Variants in LRRC41 observed in about 807,000 individuals in gnomAD.
LRRC41 encodes leucine rich repeat containing 41, also known as leucine-rich repeat-containing protein 41.
Under a neutral mutation model 72.1 loss-of-function variants are expected in LRRC41, and 17 were observed. That is an observed-to-expected ratio of 0.24 (90% CI 0.16 to 0.35). The LOEUF (loss-of-function observed/expected upper bound fraction) is 0.35. LRRC41 is among the 10% of genes least tolerant of loss of function. The pLI, the probability that LRRC41 is intolerant of heterozygous loss-of-function variation, is 1.00. For missense variants in LRRC41, 759 were observed against 1,065.0 expected, an observed-to-expected ratio of 0.71 and a Z score of 4.00; for synonymous variants, 427 against 431.0, an observed-to-expected ratio of 0.99 and a Z score of 0.11.
In LRRC41 at chr1:46,286,153, CAGG is replaced by C; in HGVS notation, c.701_703del (p.Ser234del). 6.2e-7 allele frequency: 1 copy of C among 1,614,224 alleles called. No individual in the cohort carries two copies. Among genetic ancestry groups the C allele is most frequent in the Non-Finnish European group, 8.5e-7 (1 of 1,180,034 alleles). ...GAAAAGGGCTGACTCAGGCACAGGC[CAGG>C]AGTATAGCGACACTTGACTGACAGC... On this transcript the variant is annotated inframe_deletion, in exon 4 of 10. Transcript: ENST00000617190. This position sits in a 1 kb window ranked among gnomAD's most constrained non-coding sequence, Gnocchi z 5.5.
chr1:46,281,401 G>C lies in LRRC41; in HGVS notation c.1496-16C>G. ...GAGCCCAGGCCTATGGCAAGAAAGA[G>C]ATTAAGTCAGAACCATGTGGGAGTG... On this transcript the variant is annotated splice_polypyrimidine_tract_variant and intron_variant, in intron 4 of 9. Coordinates refer to ENST00000617190, the MANE Select transcript of LRRC41 (RefSeq NM_006369.5). 6.2e-7 allele frequency: 1 copy of C among 1,613,554 alleles called. No individual in the cohort carries two copies. The highest frequency in any genetic ancestry group is 8.5e-7 in the Non-Finnish European group (1 of 1,179,564).
In LRRC41 at chr1:46,302,487, C is replaced by G. The variant is rs147166196; in HGVS notation, c.199+637G>C. 11,274 of 985,400 alleles carry G rather than the reference C, an allele frequency of 0.011. 69 individuals carry two copies. Among genetic ancestry groups the G allele is most frequent in the Non-Finnish European group, 0.012 (10,293 of 829,904 alleles). The allele number at this position is 985,400 out of a possible 1,614,324, so 61.0% of individuals were successfully genotyped here. On this transcript the variant is annotated intron_variant, in intron 1 of 9. Transcript: ENST00000617190. This position sits in a 1 kb window ranked among gnomAD's most constrained non-coding sequence, Gnocchi z 4.7. ...CCGAGACCCCGGTTGTCGGTTCGCT[C>G]CCGTCAGCCCTGGGCCGTCAGACAG...
chr1:46,294,712 A>G (rs1165836958), intron 3 of LRRC41, among the ~76,000 whole-genome samples: 1 of 146,584 alleles, frequency 6.8e-6, no homozygotes, highest in Non-Finnish European at 1.5e-5. Flanking sequence ...CTCCTGCCTC[A>G]GCCTCTTGAG....
intron 1 of LRRC41, among the ~76,000 whole-genome samples, chr1:46,301,753 A>C (rs1410705104): frequency 1.3e-5 from 2 of 151,598 alleles, no homozygotes; most frequent in Non-Finnish European, 2.9e-5. Context: ...TCCTGCAAAG[A>C]CGCCACGGCC....
chr1:46,283,946 G>A (rs1240248155), intron 4 of LRRC41, among the ~76,000 whole-genome samples: 1 of 152,132 alleles, frequency 6.6e-6, no homozygotes, highest in African/African-American at 2.4e-5. Flanking sequence ...TTACGGGCGT[G>A]AGCCACTGCG....
At chr1:46,292,787 T>C (rs549829905) in intron 3 of LRRC41, among the ~76,000 whole-genome samples, 35 of 152,238 alleles carry the variant, frequency 2.3e-4, no homozygotes, top group African/African-American at 7.7e-4. Flanking sequence ...GGTGTTGGCA[T>C]TTTCATTTTT....
rs755099410 is a variant in LRRC41, at chr1:46,281,104, AAC to A, written c.1756+19_1756+20del. Reference sequence around the variant, plus strand: ...GGATACACGTGCGTGCACACACACAAACACACACACAGTGCTTCACCTGGTAT... The same window carrying A: ...GGATACACGTGCGTGCACACACACAAACACACACAGTGCTTCACCTGGTAT... On this transcript the variant is annotated intron_variant, in intron 5 of 9. Transcript: ENST00000617190. The A allele has an allele frequency of 4.5e-5, 72 of 1,612,198 alleles. No homozygotes were observed. Among genetic ancestry groups the A allele is most frequent in the African/African-American group, 2.9e-4 (22 of 75,010 alleles).
chr1:46,302,300 G>C lies in LRRC41; in HGVS notation c.199+824C>G. On this transcript the variant is annotated intron_variant, in intron 1 of 9. Transcript: ENST00000617190. This position sits in a 1 kb window ranked among gnomAD's most constrained non-coding sequence, Gnocchi z 4.7. ...GCTTGGGGCCTCCTTGGCCCTTCCC[G>C]CCTGTCCGTCATTCGAGCCTCCCTC... The C allele has an allele frequency of 8.1e-6, 8 of 985,266 alleles. No homozygotes were observed. The highest frequency in any genetic ancestry group is 9.6e-6 in the Non-Finnish European group (8 of 829,880). 61.0% of individuals were successfully genotyped at this position (985,266 alleles called of 1,614,324 possible). A position where few individuals can be genotyped will look rare whatever the true frequency, so the allele number is the denominator to read the frequency against.
Position 46,302,894 on chromosome 1 carries a change from C to G in LRRC41, c.199+230G>C. ...AGACCGGGCCTCCTGGCCTCGCCCC[C>G]CGCGCCCCCGAGCCAGGCCGCGGTG... On this transcript the variant is annotated intron_variant, in intron 1 of 9. Coordinates refer to ENST00000617190, the MANE Select transcript of LRRC41 (RefSeq NM_006369.5). This position sits in a 1 kb window ranked among gnomAD's most constrained non-coding sequence, Gnocchi z 4.7. 1.0e-6 allele frequency: 1 copy of G among 985,454 alleles called. No individual in the cohort carries two copies. The highest frequency in any genetic ancestry group is 1.2e-6 in the Non-Finnish European group (1 of 829,924). The allele number at this position is 985,454 out of a possible 1,614,324, so 61.0% of individuals were successfully genotyped here. A position where few individuals can be genotyped will look rare whatever the true frequency, so the allele number is the denominator to read the frequency against.
At chr1:46,289,082 G>A (rs1660945963) in intron 3 of LRRC41, among the ~76,000 whole-genome samples, 1 of 152,174 alleles carries the variant, frequency 6.6e-6, no homozygotes, top group African/African-American at 2.4e-5. Flanking sequence ...AGAGGCACAG[G>A]GGAAATATAG....
intron 1 of LRRC41, chr1:46,299,225 T>C (rs951147178): frequency 6.6e-6 from 1 of 152,260 alleles, no homozygotes; most frequent in African/African-American, 2.4e-5. Context: ...TTGGACAAAT[T>C]ATTTAAGCCT....
At position 46,280,402 on chromosome 1, in the gene LRRC41, G is replaced by C. The variant is rs761669078; in HGVS notation, c.1915C>G (p.Leu639Val). Residue 639 changes from leucine (L) to valine (V), a missense_variant, in exon 6 of 10, where the codon CTC becomes GTC. Physicochemically the swap from Leu to Val is conservative, Grantham distance 32 (BLOSUM62 1). Coordinates refer to ENST00000617190, the MANE Select transcript of LRRC41 (RefSeq NM_006369.5). ...PQDFGLVLQTLKEYNLALKRL... is the reference protein window; with the variant it reads ...PQDFGLVLQTVKEYNLALKRL... ...CATTCTGGCTGGGTCCTACCTTTGA[G>C]TGTTTGCAAAACAAGCCCAAAATCC... is the stretch of plus-strand genomic sequence containing the variant. 1.4e-5 allele frequency: 22 copies of C among 1,614,088 alleles called. No homozygotes were observed. In the African/African-American group the frequency reaches 1.9e-4, roughly 14 times the overall value.
intron 4 of LRRC41, among the ~76,000 whole-genome samples, chr1:46,283,155 T>G (rs1015605000): frequency 1.3e-5 from 2 of 152,294 alleles, no homozygotes; most frequent in African/African-American, 2.4e-5. Context: ...CTGATTTTTT[T>G]AAAGAATCAA....
intron 4 of LRRC41, 54 bp from the exon 5 acceptor site, chr1:46,281,439 A>T: frequency 1.9e-6 from 3 of 1,541,632 alleles, no homozygotes; most frequent in Non-Finnish European, 2.7e-6. Context: ...AGCAGGGGTA[A>T]TATATTCAAA....
At position 46,277,824 on chromosome 1, in the gene LRRC41, C is replaced by T. The variant is rs984975733; in HGVS notation, c.*1041G>A. The T allele has an allele frequency of 6.2e-7, 1 of 1,607,820 alleles. No individual in the cohort carries two copies. The highest frequency in any genetic ancestry group is 8.5e-7 in the Non-Finnish European group (1 of 1,174,552). On this transcript the variant is annotated 3_prime_UTR_variant, in exon 10 of 10. Coordinates refer to ENST00000617190, the MANE Select transcript of LRRC41 (RefSeq NM_006369.5). The stretch of plus-strand genomic sequence containing the variant: ...CCACCTCCTCTTCCCCAGGCAGGGA[C>T]CATTGAGGAGAAGATCTTCCAGCGT...
Position 46,280,517 on chromosome 1 carries a change from G to A in LRRC41, c.1800C>T (p.Ala600=). The A allele has an allele frequency of 2.5e-6, 4 of 1,614,104 alleles. No homozygotes were observed. The South Asian group carries it at 4.4e-5, about 18-fold the overall frequency. Residue 600 remains alanine, a synonymous_variant, in exon 6 of 10, where the codon GCC becomes GCT. Coordinates refer to ENST00000617190, the MANE Select transcript of LRRC41 (RefSeq NM_006369.5). ...CGGAGCACAGCAGTGGGGCTGGCTGGGCTCCCCGTGGAAATCCCATCTCCA... is the reference window on the plus strand; with the variant it reads ...CGGAGCACAGCAGTGGGGCTGGCTGAGCTCCCCGTGGAAATCCCATCTCCA... ...EQLEMGFPRG[A]QPAPLLCSVL... is the part of the protein sequence containing the mutation.
chr1:46,281,883 AGCC>A, intron 4 of LRRC41, among the ~76,000 whole-genome samples: 2 of 152,348 alleles, frequency 1.3e-5, no homozygotes, highest in East Asian at 3.9e-4. Flanking sequence ...GTTCCAGACC[AGCC>A]TGGCCAACAT....
Position 46,285,851 on chromosome 1 carries a change from T to C in LRRC41, c.1006A>G (p.Thr336Ala), listed in dbSNP as rs752962461. Reference sequence around the variant, plus strand: ...GGGTGCAGCTCCCTCTTAAGGTCTGTTCCGCCTGCTGTCAGGCTCTCCTGT... The same window carrying C: ...GGGTGCAGCTCCCTCTTAAGGTCTGCTCCGCCTGCTGTCAGGCTCTCCTGT... ...STQESLTAGG[T>A]DLKRELHPPA... The change falls in exon 4 of 10, where the codon ACA becomes GCA. Residue 336 changes from threonine to alanine, a missense_variant. Transcript: ENST00000617190. This position sits in a 1 kb window ranked among gnomAD's most constrained non-coding sequence, Gnocchi z 5.3. 1.9e-6 allele frequency: 3 copies of C among 1,587,914 alleles called. No individual in the cohort carries two copies. The highest frequency in any genetic ancestry group is 3.6e-5 in the Admixed American group (2 of 55,086).
intron 7 of LRRC41, 117 bp downstream of exon 7, chr1:46,280,075 T>A (rs1306662011): frequency 1.3e-6 from 1 of 747,534 alleles, no homozygotes; most frequent in Non-Finnish European, 2.3e-6. Context: ...AGGTTCTATA[T>A]CCATTTTATA....
Sources: gnomAD v4.1 joint callset for allele counts (sites outside exome capture counted in the v4.1 genomes callset) on GRCh38, gnomAD v4.1.1 for gene constraint, Gnocchi (gnomAD v3.1) non-coding constraint, MANE v1.5 for transcripts, NCBI Gene and HGNC (gene_info 2026-07-23, HGNC 2026-07-21) for gene names.